The following RPRD2 variants were observed in gnomAD, a reference collection of about 807,000 sequenced individuals.
RPRD2 encodes regulation of nuclear pre-mRNA domain containing 2.
A neutral mutation model predicts 104.4 loss-of-function variants in RPRD2; 12 were observed. The observed-to-expected ratio is 0.11, with a 90% CI of 0.07 to 0.19. RPRD2 has a LOEUF of 0.19. Ranked by LOEUF, RPRD2 falls within the 10% of genes least tolerant of loss-of-function variation. The pLI, the probability that RPRD2 is intolerant of heterozygous loss-of-function variation, is 1.00. For missense variants in RPRD2, 1,543 were observed against 1,790.1 expected (o/e 0.86, Z 2.49); for synonymous variants, 714 against 684.9 (o/e 1.04, Z -0.66).
intron 9 of RPRD2, among the ~76,000 whole-genome samples, chr1:150,460,785 A>G (rs1205845614): frequency 4.0e-5 from 6 of 149,892 alleles, no homozygotes; most frequent in South Asian, 2.1e-4. Flanking sequence ...CTGGAGTGCA[A>G]TGGTGCAAAC....
intron 8 of RPRD2, 24 bp from the exon 9 acceptor site, chr1:150,460,036 T>C (rs1553898437): frequency 6.2e-7 from 1 of 1,609,878 alleles, no homozygotes; most frequent in Non-Finnish European, 8.5e-7. Context: ...TAGGATGTAA[T>C]ATCTCTTTTC....
intron 2 of RPRD2, among the ~76,000 whole-genome samples, chr1:150,439,675 T>G (rs1666281400): frequency 6.6e-6 from 1 of 150,790 alleles, no homozygotes; most frequent in East Asian, 2.0e-4. Flanking sequence ...GTGGATTCAC[T>G]TAAGGAGAGG....
intron 1 of RPRD2, among the ~76,000 whole-genome samples, chr1:150,372,821 A>G (rs1660416675): frequency 6.6e-6 from 1 of 152,104 alleles, no homozygotes; most frequent in Non-Finnish European, 1.5e-5. Flanking sequence ...TTTAGGGAGC[A>G]GCAAGAAAGC....
Position 150,471,183 on chromosome 1 carries a change from C to T in RPRD2, c.2235C>T (p.Ser745=). The change falls in exon 11 of 11, where the codon AGC becomes AGT. Residue 745 remains serine, a synonymous_variant. Transcript: ENST00000369068. The surrounding 1 kb of genome is among the most constrained non-coding windows in gnomAD (Gnocchi z 5.3). ...QDEMMDKPTS[S]SVDTMSLLSK... ...AGATGATGGACAAGCCCACATCCAG[C>T]AGTGTAGATACTATGTCCCTGCTTT... is the stretch of plus-strand genomic sequence containing the variant. The T allele has an allele frequency of 1.9e-6, 3 of 1,613,972 alleles. No homozygotes were observed. The East Asian group carries it at 6.7e-5, about 36-fold the overall frequency.
At chr1:150,451,505 T>A (rs1387242379) in intron 7 of RPRD2, among the ~76,000 whole-genome samples, 1 of 151,616 alleles carries the variant, frequency 6.6e-6, no homozygotes, top group Non-Finnish European at 1.5e-5. Context: ...AAACCCCGTC[T>A]CCACTAAAAA....
At position 150,441,932 on chromosome 1, in the gene RPRD2, C is replaced by T. The variant is rs1345813968; in HGVS notation, c.488C>T (p.Pro163Leu). The T allele has an allele frequency of 1.9e-6, 3 of 1,611,672 alleles. No homozygotes were observed. The highest frequency in any genetic ancestry group is 1.7e-5 in the Admixed American group (1 of 59,690). ...CTGAAAGAAAATCTGAACAAACAAC[C>T]GAATAAGCAGTGGAAGAAATCACAA... The part of the protein sequence containing the change: ...KQLKENLNKQ[P>L]NKQWKKSQTS... The change falls in exon 4 of 11, where the codon CCG becomes CTG. Residue 163 changes from proline (P) to leucine (L), a missense_variant. Coordinates refer to ENST00000369068, the MANE Select transcript of RPRD2 (RefSeq NM_015203.5).
At chr1:150,456,442 G>C (rs1667529456) in intron 7 of RPRD2, among the ~76,000 whole-genome samples, 1 of 152,028 alleles carries the variant, frequency 6.6e-6, no homozygotes, top group African/African-American at 2.4e-5. Context: ...TGCCAGCAAT[G>C]TACGTGATTA....
In RPRD2 at chr1:150,474,157, C is replaced by T. The variant is rs1291256412; in HGVS notation, c.*823C>T. 1 of 152,066 alleles carries T rather than the reference C, an allele frequency of 6.6e-6. No homozygotes were observed. Among genetic ancestry groups the T allele is most frequent in the Non-Finnish European group, 1.5e-5 (1 of 68,014 alleles). The allele number at this position is 152,066 out of a possible 1,614,324, so 9.4% of individuals were successfully genotyped here. A position where few individuals can be genotyped will look rare whatever the true frequency, so the allele number is the denominator to read the frequency against. On this transcript the variant is annotated 3_prime_UTR_variant, in exon 11 of 11. Coordinates refer to ENST00000369068, the MANE Select transcript of RPRD2 (RefSeq NM_015203.5). ...TGCTTTTCCTTTTTGACTTTATCTC[C>T]CTCAGTTTTTCTTCTGCTGTGGCCA...
chr1:150,437,253 C>T (rs1553893364), intron 2 of RPRD2, among the ~76,000 whole-genome samples: 1 of 152,068 alleles, frequency 6.6e-6, no homozygotes, highest in Non-Finnish European at 1.5e-5. Context: ...AATCCCAACA[C>T]TTTGGAGGCC....
Position 150,431,626 on chromosome 1 carries a change from G to A in RPRD2, c.336-9297G>A, listed in dbSNP as rs587769748. ...CTTCTGAGTAGCTGGGATTACAGGC[G>A]CGCGCCACCATACCCAGCTAATTTT... On this transcript the variant is annotated intron_variant, in intron 2 of 10. Transcript: ENST00000369068. Among the ~76,000 whole-genome samples the A allele has an allele frequency of 1.2e-3, 178 of 150,784 alleles. 1 individual carries two copies. Among genetic ancestry groups the A allele is most frequent in the African/African-American group, 4.0e-3 (166 of 41,072 alleles).
In RPRD2 at chr1:150,411,788, C is replaced by CAA. The variant is rs71086508; in HGVS notation, c.206-5781_206-5780dup. Among the ~76,000 whole-genome samples the CAA allele has an allele frequency of 1.5e-3, 109 of 70,702 alleles. 8 individuals are homozygous for CAA. The highest frequency in any genetic ancestry group is 3.3e-3 in the African/African-American group (36 of 10,994). The allele number at this position is 70,702 out of a possible 152,430, so 46.4% of individuals were successfully genotyped here. A position where few individuals can be genotyped will look rare whatever the true frequency, so the allele number is the denominator to read the frequency against. On this transcript the variant is annotated intron_variant, in intron 1 of 10. Coordinates refer to ENST00000369068, the MANE Select transcript of RPRD2 (RefSeq NM_015203.5). ...CCTGGACGACAGAGCTAGACTGTCTCAAAAAAAAAAAAAAAAAAAAAAAAA... is the reference window on the plus strand; with the variant it reads ...CCTGGACGACAGAGCTAGACTGTCTCAAAAAAAAAAAAAAAAAAAAAAAAAAA...
chr1:150,365,879 C>T (rs1183404270), intron 1 of RPRD2, among the ~76,000 whole-genome samples: 1 of 152,176 alleles, frequency 6.6e-6, no homozygotes, highest in African/African-American at 2.4e-5. Flanking sequence ...ACGTGAGCCC[C>T]CCGTGCCCGG....
At chr1:150,424,319 TC>T (rs1215077741) in intron 2 of RPRD2, among the ~76,000 whole-genome samples, 7 of 151,608 alleles carry the variant, frequency 4.6e-5, no homozygotes, top group African/African-American at 1.7e-4. Flanking sequence ...AGATGGAGTC[TC>T]ACTCCGTCGC....
At chr1:150,433,462 T>TG (rs1665750803) in intron 2 of RPRD2, among the ~76,000 whole-genome samples, 1 of 143,910 alleles carries the variant, frequency 6.9e-6, no homozygotes, top group Non-Finnish European at 1.5e-5. Context: ...TTTTTTTTTT[T>TG]GAGACGGAGT....
At chr1:150,409,142 T>A (rs910714031) in intron 1 of RPRD2, 7 of 152,226 alleles carry the variant, frequency 4.6e-5, no homozygotes, top group Non-Finnish European at 1.0e-4. Context: ...ATCAGTAACC[T>A]TCCAGTTTCC....
rs1400636583 is a variant in RPRD2 at position 150,472,131 on chromosome 1, C to T, written c.3183C>T (p.Tyr1061=). The T allele has an allele frequency of 1.9e-6, 3 of 1,613,872 alleles. No homozygotes were observed. The highest frequency in any genetic ancestry group is 2.2e-5 in the East Asian group (1 of 44,886). ...ATDQQQQEEH[Y]RIETRVSSSC... ...ATCAGCAGCAACAAGAAGAGCACTA[C>T]CGCATAGAAACCCGCGTCTCCTCCT... The change falls in exon 11 of 11, where the codon TAC becomes TAT. Residue 1061 remains tyrosine (Y), a synonymous_variant. Coordinates refer to ENST00000369068, the MANE Select transcript of RPRD2 (RefSeq NM_015203.5).
At chr1:150,398,167 G>A (rs879945842) in intron 1 of RPRD2, among the ~76,000 whole-genome samples, 50 of 132,960 alleles carry the variant, frequency 3.8e-4, no homozygotes, top group Non-Finnish European at 6.8e-4. Flanking sequence ...ACTATGCCTG[G>A]CTAATTTTTG....
chr1:150,446,520 A>T lies in RPRD2; in HGVS notation c.870+119A>T, dbSNP rs1300089851. On this transcript the variant is annotated intron_variant, in intron 7 of 10. Coordinates refer to ENST00000369068, the MANE Select transcript of RPRD2 (RefSeq NM_015203.5). ...TTTTTATCTCCTTATCGCAGATGAA[A>T]TTACTTTTGGGATAGGTGCTGTGGT... 6 of 912,908 alleles carry T rather than the reference A, an allele frequency of 6.6e-6. No homozygotes were observed. In the South Asian group the frequency reaches 1.0e-4, roughly 16 times the overall value. 56.6% of individuals were successfully genotyped at this position (912,908 alleles called of 1,614,324 possible).
intron 2 of RPRD2, among the ~76,000 whole-genome samples, chr1:150,426,742 A>G (rs1310554434): frequency 2.6e-5 from 4 of 152,212 alleles, no homozygotes; most frequent in South Asian, 2.1e-4. Context: ...TTATTGTTCA[A>G]TGGGTATAGA....
Sources: allele counts gnomAD v4.1 joint callset (sites outside exome capture counted in the v4.1 genomes callset), GRCh38; gene constraint gnomAD v4.1.1; non-coding constraint Gnocchi (gnomAD v3.1); transcripts MANE v1.5; gene names NCBI Gene and HGNC (gene_info 2026-07-23, HGNC 2026-07-21).